Variants in PDE4D observed in about 807,000 individuals in gnomAD.
PDE4D encodes 3',5'-cyclic-AMP phosphodiesterase 4D.
PDE4D carries 24 observed loss-of-function variants against 87.4 expected under a neutral mutation model. That is an observed-to-expected ratio of 0.27 (90% CI 0.20 to 0.39). PDE4D has a LOEUF of 0.39. Ranked by LOEUF, PDE4D falls within the 10% of genes least tolerant of loss-of-function variation. The pLI is 1.00. For synonymous variants in PDE4D, 384 were observed against 383.2 expected (o/e 1.00, Z -0.02); for missense variants, 714 against 1,041.0 (o/e 0.69, Z 4.32).
chr5:60,453,072 C>T (rs2150155310), intron 1 of PDE4D, among the ~76,000 whole-genome samples: 1 of 152,222 alleles, frequency 6.6e-6, no homozygotes, highest in Non-Finnish European at 1.5e-5. Flanking sequence ...CATGGGCAGT[C>T]AGAAGCCTCT....
At chr5:60,282,565 T>C (rs1488582504) in intron 1 of PDE4D, among the ~76,000 whole-genome samples, 41 of 152,212 alleles carry the variant, frequency 2.7e-4, no homozygotes, top group Non-Finnish European at 2.9e-5. Flanking sequence ...TATTACTATG[T>C]TCTCTGTATC....
chr5:60,505,283 T>A (rs993303921), intron 1 of PDE4D, among the ~76,000 whole-genome samples: 2 of 152,252 alleles, frequency 1.3e-5, no homozygotes, highest in African/African-American at 4.8e-5. Flanking sequence ...CATTTAGGAA[T>A]CTTGTACAAT....
intron 1 of PDE4D, among the ~76,000 whole-genome samples, chr5:60,283,746 C>A (rs1752161329): frequency 6.6e-6 from 1 of 152,036 alleles, no homozygotes; most frequent in African/African-American, 2.4e-5. Context: ...CACAGCAGGG[C>A]CTGTAAAATG....
chr5:58,984,376 C>A (rs1024418743), intron 11 of PDE4D, among the ~76,000 whole-genome samples: 1 of 152,158 alleles, frequency 6.6e-6, no homozygotes, highest in Non-Finnish European at 1.5e-5. Context: ...AGGGATTTGT[C>A]TTGTCTTGTC....
intron 1 of PDE4D, among the ~76,000 whole-genome samples, chr5:59,426,468 C>A (rs1411956594): frequency 6.6e-6 from 1 of 152,000 alleles, no homozygotes; most frequent in Non-Finnish European, 1.5e-5. Flanking sequence ...GGAGAGCAAG[C>A]CTACCTAAAG....
chr5:59,982,684 C>T (rs933890483), intron 3 of PDE4D, among the ~76,000 whole-genome samples: 3 of 152,100 alleles, frequency 2.0e-5, no homozygotes, highest in Admixed American at 6.5e-5. Flanking sequence ...GACATGTGTG[C>T]GGGAAGATGC....
At chr5:59,280,456 GATTTCA>G (rs1440229318) in intron 1 of PDE4D, among the ~76,000 whole-genome samples, 2 of 151,950 alleles carry the variant, frequency 1.3e-5, no homozygotes, top group African/African-American at 4.8e-5. Flanking sequence ...TTCAATACTG[GATTTCA>G]GAAGAAAAAC....
chr5:59,751,637 C>CGA (rs1219573701), intron 1 of PDE4D, among the ~76,000 whole-genome samples: 2 of 146,970 alleles, frequency 1.4e-5, no homozygotes, highest in African/African-American at 2.6e-5. Context: ...AGCGAGCAAG[C>CGA]GAGAGCAAGA....
At chr5:60,316,449 C>T (rs1345381070) in intron 1 of PDE4D, among the ~76,000 whole-genome samples, 2 of 152,160 alleles carry the variant, frequency 1.3e-5, no homozygotes, top group African/African-American at 4.8e-5. Context: ...AATTTGATTT[C>T]CTGTTTTCCT....
intron 1 of PDE4D, among the ~76,000 whole-genome samples, chr5:59,593,379 G>A (rs10491440): frequency 0.077 from 11,675 of 151,010 alleles, 606 homozygotes; most frequent in Admixed American, 0.14. Flanking sequence ...CATTTATCCT[G>A]ATTAGATGTA....
intron 1 of PDE4D, among the ~76,000 whole-genome samples, chr5:59,718,983 A>G (rs1284174146): frequency 6.6e-6 from 1 of 151,728 alleles, no homozygotes; most frequent in Non-Finnish European, 1.5e-5. Flanking sequence ...TTCTGTTACA[A>G]CTAAAGCCAG....
chr5:59,381,668 T>C (rs1051734470), intron 1 of PDE4D, among the ~76,000 whole-genome samples: 1 of 152,152 alleles, frequency 6.6e-6, no homozygotes, highest in Non-Finnish European at 1.5e-5. Context: ...TCAGTGCAAA[T>C]ATCACGTCTT....
intron 1 of PDE4D, among the ~76,000 whole-genome samples, chr5:60,483,311 G>A (rs73108689): frequency 0.02 from 3,078 of 152,152 alleles, 98 homozygotes; most frequent in African/African-American, 0.07. Flanking sequence ...CCACAGATGT[G>A]AGCCACCACA....
intron 1 of PDE4D, among the ~76,000 whole-genome samples, chr5:59,828,202 G>A (rs1159236883): frequency 4.6e-5 from 7 of 151,738 alleles, no homozygotes; most frequent in African/African-American, 1.7e-4. Flanking sequence ...AGAAAAGAGA[G>A]AGAAAAAATG....
At chr5:60,038,265 G>A (rs916368033) in intron 2 of PDE4D, among the ~76,000 whole-genome samples, 6 of 152,270 alleles carry the variant, frequency 3.9e-5, no homozygotes, top group African/African-American at 1.4e-4. Context: ...TAGGTCTAAT[G>A]TTTAAGTCTG....
chr5:59,603,765 T>C (rs1424871129), intron 1 of PDE4D, among the ~76,000 whole-genome samples: 4 of 151,830 alleles, frequency 2.6e-5, no homozygotes, highest in Non-Finnish European at 5.9e-5. Context: ...GAAATGGAGG[T>C]GCAAGTGTGA....
chr5:59,267,255 T>G (rs1417888722), intron 1 of PDE4D, among the ~76,000 whole-genome samples: 2 of 152,084 alleles, frequency 1.3e-5, no homozygotes, highest in African/African-American at 4.8e-5. Flanking sequence ...CTGACTAAAA[T>G]AGTATCAGTC....
At chr5:59,172,498 C>T (rs1283113475) in intron 5 of PDE4D, among the ~76,000 whole-genome samples, 1 of 148,876 alleles carries the variant, frequency 6.7e-6, no homozygotes, top group Non-Finnish European at 1.5e-5. Flanking sequence ...AGTTCCAGAT[C>T]AGCCTGGGCA....
At chr5:59,779,833 AATAG>A (rs1367842220) in intron 1 of PDE4D, among the ~76,000 whole-genome samples, 7 of 152,354 alleles carry the variant, frequency 4.6e-5, no homozygotes, top group Admixed American at 3.3e-4. Context: ...TTTTTTTAAT[AATAG>A]ATACTTAGAA....
Sources: allele counts gnomAD v4.1 joint callset (sites outside exome capture counted in the v4.1 genomes callset), GRCh38; gene constraint gnomAD v4.1.1; transcripts MANE v1.5; gene names NCBI Gene and HGNC (gene_info 2026-07-23, HGNC 2026-07-21).